Variants in PEAK1 observed in about 807,000 individuals in gnomAD.
The protein encoded by PEAK1 is inactive tyrosine-protein kinase PEAK1.
A neutral mutation model predicts 124.7 loss-of-function variants in PEAK1; 54 were observed. The observed-to-expected ratio is 0.43, with a 90% CI of 0.35 to 0.54. The LOEUF (loss-of-function observed/expected upper bound fraction) is 0.54. PEAK1 is among the 20% of genes least tolerant of loss of function. PEAK1 has a pLI of 0.01. For synonymous variants in PEAK1, 719 were observed against 760.0 expected (o/e 0.95, Z 0.89); for missense variants, 2,046 against 2,134.5 (o/e 0.96, Z 0.82).
chr15:77,101,867 C>T (rs2050697317), exon 7 of PEAK1: 1 of 152,296 alleles, frequency 6.6e-6, no homozygotes, highest in East Asian at 1.9e-4. Context: ...AAGCCCCTTT[C>T]CATCCAATTC....
chr15:77,196,777 A>G (rs192480749), intron 6 of PEAK1, among the ~76,000 whole-genome samples: 1 of 152,324 alleles, frequency 6.6e-6, no homozygotes, highest in Admixed American at 6.5e-5. Flanking sequence ...TTATAATAGA[A>G]AATGTGATTT....
At position 77,181,379 on chromosome 15, in the gene PEAK1, C is replaced by G. The variant is rs754847737; in HGVS notation, c.548G>C (p.Cys183Ser). 1.1e-5 allele frequency: 18 copies of G among 1,613,986 alleles called. No homozygotes were observed. ...CTTTCTTTCCAATGATCGTTTATAG[C>G]AATCATTTATTCTTCCCAAGAATGT... ...RETFLGRINDCYKRSLERKLP... is the reference protein window; with the variant it reads ...RETFLGRINDSYKRSLERKLP... Residue 183 changes from cysteine to serine, a missense_variant, in exon 7 of 10, where the codon TGC (cysteine) becomes TCC (serine). By Grantham distance (112) the Cys-to-Ser change is moderately radical. Transcript: ENST00000682557.
intron 1 of PEAK1, among the ~76,000 whole-genome samples, chr15:77,409,091 ATATTT>A (rs1264746844): frequency 6.6e-6 from 1 of 152,086 alleles, no homozygotes; most frequent in East Asian, 1.9e-4. Flanking sequence ...AAACACAAAA[ATATTT>A]AAGAGTGGTA....
At chr15:77,101,909 C>G (rs1015133331) in exon 7 of PEAK1, 1 of 152,120 alleles carries the variant, frequency 6.6e-6, no homozygotes, top group African/African-American at 2.4e-5. Context: ...ACTGTATACC[C>G]TGTCACCAGC....
chr15:77,388,678 T>G (rs922716691), intron 1 of PEAK1, among the ~76,000 whole-genome samples: 1 of 152,186 alleles, frequency 6.6e-6, no homozygotes, highest in African/African-American at 2.4e-5. Flanking sequence ...TGTTGATCAT[T>G]GTTTTCTGTT....
At chr15:77,128,847 G>C (rs1395102828) in intron 9 of PEAK1, among the ~76,000 whole-genome samples, 1 of 152,162 alleles carries the variant, frequency 6.6e-6, no homozygotes, top group African/African-American at 2.4e-5. Context: ...TTGGACTTTA[G>C]ACTTTAGAGT....
At chr15:77,338,044 G>A in intron 2 of PEAK1, 1 of 981,776 alleles carries the variant, frequency 1.0e-6, no homozygotes, top group Non-Finnish European at 1.2e-6. Context: ...GTGTAAAGCA[G>A]TAAAAATTTG....
chr15:77,181,357 T>A lies in PEAK1; in HGVS notation c.570A>T (p.Arg190Ser). Residue 190 changes from arginine (R) to serine (S), a missense_variant, in exon 7 of 10, where the codon AGA becomes AGT. Transcript: ENST00000682557. ...CTATCATGCAACTTGGTGGAAGCTTTCTTTCCAATGATCGTTTATAGCAAT... is the reference window on the plus strand; with the variant it reads ...CTATCATGCAACTTGGTGGAAGCTTACTTTCCAATGATCGTTTATAGCAAT... ...INDCYKRSLE[R>S]KLPPSCMIGG... The A allele has an allele frequency of 6.2e-7, 1 of 1,614,192 alleles. No homozygotes were observed. Among genetic ancestry groups the A allele is most frequent in the Non-Finnish European group, 8.5e-7 (1 of 1,180,038 alleles).
At chr15:77,172,349 A>G (rs550498780) in intron 7 of PEAK1, among the ~76,000 whole-genome samples, 1 of 152,358 alleles carries the variant, frequency 6.6e-6, no homozygotes, top group Admixed American at 6.5e-5. Flanking sequence ...CAATCTCATC[A>G]GAAGAATGTT....
chr15:77,160,444 G>A (rs2055533662), intron 7 of PEAK1, among the ~76,000 whole-genome samples: 1 of 152,168 alleles, frequency 6.6e-6, no homozygotes, highest in Admixed American at 6.5e-5. Context: ...TTGGGAGGCT[G>A]AGGCGGGCGG....
At chr15:77,294,280 A>G (rs1355078508) in intron 2 of PEAK1, among the ~76,000 whole-genome samples, 1 of 152,232 alleles carries the variant, frequency 6.6e-6, no homozygotes, top group Non-Finnish European at 1.5e-5. Context: ...AGGAAACTAC[A>G]GTAAATATAT....
At chr15:77,159,388 T>C (rs902008962) in intron 7 of PEAK1, among the ~76,000 whole-genome samples, 1 of 152,248 alleles carries the variant, frequency 6.6e-6, no homozygotes, top group African/African-American at 2.4e-5. Flanking sequence ...TACCAGTATA[T>C]GACCAATCTT....
intron 2 of PEAK1, among the ~76,000 whole-genome samples, chr15:77,297,766 A>AAAG (rs2063561343): frequency 6.7e-6 from 1 of 149,502 alleles, no homozygotes; most frequent in East Asian, 2.0e-4. Flanking sequence ...TCAAAAAAAA[A>AAAG]AAAAAAAAAA....
intron 8 of PEAK1, among the ~76,000 whole-genome samples, chr15:77,154,039 C>T (rs933527750): frequency 2.6e-5 from 4 of 152,052 alleles, no homozygotes; most frequent in Admixed American, 6.6e-5. Context: ...CTGGGTATCC[C>T]TGTTAACTTT....
At chr15:77,161,698 C>A (rs556678373) in intron 7 of PEAK1, among the ~76,000 whole-genome samples, 1 of 152,192 alleles carries the variant, frequency 6.6e-6, no homozygotes, top group South Asian at 2.1e-4. Context: ...AGAGGCCAGG[C>A]GCAGTGGCTC....
chr15:77,139,991 T>C (rs2053643414), intron 8 of PEAK1, among the ~76,000 whole-genome samples: 1 of 151,906 alleles, frequency 6.6e-6, no homozygotes, highest in South Asian at 2.1e-4. Flanking sequence ...CTAGATAGAA[T>C]CAACAATAAC....
intron 1 of PEAK1, among the ~76,000 whole-genome samples, chr15:77,416,708 T>C (rs1014701607): frequency 6.6e-6 from 1 of 152,206 alleles, no homozygotes; most frequent in Non-Finnish European, 1.5e-5. Flanking sequence ...AGTATGTGAA[T>C]GTAGTTGTCC....
intron 5 of PEAK1, among the ~76,000 whole-genome samples, chr15:77,280,297 T>C (rs2062595746): frequency 2.0e-5 from 3 of 152,056 alleles, no homozygotes; most frequent in African/African-American, 4.8e-5. Flanking sequence ...GCTGAGATCA[T>C]GCCACTGCAC....
rs200476530 is a variant in PEAK1 at position 77,114,897 on chromosome 15, T to C, written c.4500A>G (p.Leu1500=). 4.2e-5 allele frequency: 68 copies of C among 1,613,790 alleles called. No homozygotes were observed. The Middle Eastern group carries it at 2.6e-3, about 62-fold the overall frequency. ...ERQVCLLLLQ[L]CSGLEHLKPY... ...GTTTGAGGTGCTCAAGACCAGAGCA[T>C]AGCTGTAAGAGCAGCAGACACACCT... The change falls in exon 10 of 10, where the codon CTA becomes CTG. Residue 1500 remains leucine (L), a synonymous_variant. Coordinates refer to ENST00000682557, the MANE Select transcript of PEAK1 (RefSeq NM_001385026.1).
Sources: allele counts gnomAD v4.1 joint callset (sites outside exome capture counted in the v4.1 genomes callset), GRCh38; gene constraint gnomAD v4.1.1; transcripts MANE v1.5; gene names NCBI Gene and HGNC (gene_info 2026-07-23, HGNC 2026-07-21).